PHACTR2: variants seen among roughly 807,000 people sequenced by gnomAD.
PHACTR2 encodes the protein phosphatase and actin regulator 2, also known as chromosome 6 open reading frame 56.
A neutral mutation model predicts 76.0 loss-of-function variants in PHACTR2; 30 were observed. The observed-to-expected ratio is 0.39, with a 90% confidence interval of 0.30 to 0.54. PHACTR2 has a LOEUF of 0.54. Among genes scored for constraint, PHACTR2 ranks in the 20% least tolerant of loss-of-function variants. The probability of loss-of-function intolerance (pLI) is 0.61; values close to 1 mark genes in which losing one functional copy is unlikely to be tolerated. For missense variants in PHACTR2, 696 were observed against 781.1 expected (o/e 0.89, Z 1.30); for synonymous variants, 292 against 292.5 (o/e 1.00, Z 0.02).
chr6:143,661,945 T>C (rs533546667), intron 1 of PHACTR2, among the ~76,000 whole-genome samples: 1 of 152,320 alleles, frequency 6.6e-6, no homozygotes, highest in South Asian at 2.1e-4. Flanking sequence ...AAGACCCTCA[T>C]TGCATTGGAG....
chr6:143,741,780 G>A (rs956508786), intron 2 of PHACTR2, among the ~76,000 whole-genome samples: 3 of 152,062 alleles, frequency 2.0e-5, no homozygotes, highest in African/African-American at 7.2e-5. Context: ...AATCTGTGGT[G>A]ACTACTGGAA....
At position 143,696,715 on chromosome 6, in the gene PHACTR2, G is replaced by T. The variant is rs759990656; in HGVS notation, c.47-15301G>T. On this transcript the variant is annotated intron_variant, in intron 1 of 12. Coordinates refer to ENST00000440869, the MANE Select transcript of PHACTR2 (RefSeq NM_001100164.2). The surrounding 1 kb of genome is among the most constrained non-coding windows in gnomAD (Gnocchi z 4.1). ...GCTATTTCCTATTTTTTAAGCATAC[G>T]CAAAGTCATATCAGGGTGACACATA... is the stretch of plus-strand genomic sequence containing the variant. 6.6e-6 allele frequency among the ~76,000 whole-genome samples: 1 copy of T among 152,104 alleles called. No individual in the cohort carries two copies. The highest frequency in any genetic ancestry group is 1.5e-5 in the Non-Finnish European group (1 of 68,022).
Position 143,819,876 on chromosome 6 carries a change from G to A in PHACTR2, c.1923-3798G>A, listed in dbSNP as rs1387110921. 1.3e-5 allele frequency among the ~76,000 whole-genome samples: 2 copies of A among 152,102 alleles called. No individual in the cohort carries two copies. Among genetic ancestry groups the A allele is most frequent in the African/African-American group, 4.8e-5 (2 of 41,418 alleles). ...GCTATAAAGAAATACCTGAGACTAG[G>A]TAATTTATAAGAAAACAGGTTTAAT... On this transcript the variant is annotated intron_variant, in intron 12 of 12. Coordinates refer to ENST00000440869, the MANE Select transcript of PHACTR2 (RefSeq NM_001100164.2). The surrounding 1 kb of genome is among the most constrained non-coding windows in gnomAD (Gnocchi z 5.0).
chr6:143,712,159 G>A lies in PHACTR2; in HGVS notation c.190G>A (p.Asp64Asn), dbSNP rs868610394. ...GAAATGGAGGAAAAAGAAGACCAGC[G>A]ACAAATTTAGAGAAACCTCGGCAGG... is the stretch of plus-strand genomic sequence containing the variant. The part of the protein sequence containing the change: ...PWKWRKKKTS[D>N]KFRETSAVLE... The change falls in exon 2 of 13, where the codon GAC (aspartate) becomes AAC (asparagine). Residue 64 changes from aspartate (D) to asparagine (N), a missense_variant. Asp to Asn is a conservative substitution (Grantham distance 23). Around this residue, in one of 2 missense-constraint regions of PHACTR2, gnomAD observed 460 missense variants for 450.9 expected, o/e 1.02. Coordinates refer to ENST00000440869, the MANE Select transcript of PHACTR2 (RefSeq NM_001100164.2). 4.5e-6 allele frequency: 7 copies of A among 1,541,720 alleles called. No homozygotes were observed. The highest frequency in any genetic ancestry group is 2.8e-5 in the African/African-American group (2 of 71,570).
chr6:143,690,075 T>C (rs914117150), intron 1 of PHACTR2, among the ~76,000 whole-genome samples: 2 of 152,262 alleles, frequency 1.3e-5, no homozygotes, highest in African/African-American at 4.8e-5. Context: ...CTAAGGCTTG[T>C]GGTAAACCAC....
Position 143,697,054 on chromosome 6 carries a change from A to C in PHACTR2, c.47-14962A>C, listed in dbSNP as rs577843637. Among the ~76,000 whole-genome samples, 1 of 152,314 alleles carries C rather than the reference A, an allele frequency of 6.6e-6. No individual in the cohort carries two copies. Among genetic ancestry groups the C allele is most frequent in the Non-Finnish European group, 1.5e-5 (1 of 68,028 alleles). On this transcript the variant is annotated intron_variant, in intron 1 of 12. Coordinates refer to ENST00000440869, the MANE Select transcript of PHACTR2 (RefSeq NM_001100164.2). This position sits in a 1 kb window ranked among gnomAD's most constrained non-coding sequence, Gnocchi z 4.4. ...GGTAGTTCTACCTTGTAGTTCCGATATATTTAGTTAATTGAAAGCCTAAAA... is the reference window on the plus strand; with the variant it reads ...GGTAGTTCTACCTTGTAGTTCCGATCTATTTAGTTAATTGAAAGCCTAAAA...
chr6:143,736,962 TG>T (rs1778837844), intron 2 of PHACTR2, among the ~76,000 whole-genome samples: 1 of 151,836 alleles, frequency 6.6e-6, no homozygotes, highest in Non-Finnish European at 1.5e-5. Context: ...TCAGAGAAGT[TG>T]GGGAGTTTGC....
chr6:143,585,238 A>C lies in PHACTR2; in HGVS notation c.217+48031A>C, dbSNP rs1006912308. Among the ~76,000 whole-genome samples, 5 of 151,998 alleles carry C rather than the reference A, an allele frequency of 3.3e-5. No individual in the cohort carries two copies. The highest frequency in any genetic ancestry group is 5.9e-5 in the Non-Finnish European group (4 of 67,998). ...CCATGAGGCAGCAAGAATATGGAGG[A>C]AGGGAATTTGAGGTAGAGAAGGTGT... is the stretch of plus-strand genomic sequence containing the variant. On this transcript the variant is annotated intron_variant, in intron 1 of 11. Transcript: ENST00000367584. This position sits in a 1 kb window ranked among gnomAD's most constrained non-coding sequence, Gnocchi z 5.2.
rs966544093 is a variant in PHACTR2, at chr6:143,625,770, T to C, written c.13+17448T>C. 4.6e-5 allele frequency among the ~76,000 whole-genome samples: 7 copies of C among 152,102 alleles called. No homozygotes were observed. Among genetic ancestry groups the C allele is most frequent in the African/African-American group, 1.7e-4 (7 of 41,444 alleles). ...GTGAATGGGGCAGTGATGAGACACATGGAGTCCCTGCTCCCATGGAGCTTA... is the reference window on the plus strand; with the variant it reads ...GTGAATGGGGCAGTGATGAGACACACGGAGTCCCTGCTCCCATGGAGCTTA... On this transcript the variant is annotated intron_variant, in intron 1 of 11. Coordinates refer to the PHACTR2 transcript ENST00000305766. This position sits in a 1 kb window ranked among gnomAD's most constrained non-coding sequence, Gnocchi z 4.3.
rs1208949550 is a variant in PHACTR2, at chr6:143,652,399, T to C, written c.13+44077T>C. Among the ~76,000 whole-genome samples the C allele has an allele frequency of 2.1e-5, 3 of 139,594 alleles. No homozygotes were observed. Among genetic ancestry groups the C allele is most frequent in the Non-Finnish European group, 5.0e-5 (3 of 60,044 alleles). 91.6% of individuals were successfully genotyped at this position (139,594 alleles called of 152,430 possible). ...AAAGGTACCTGCGCTGCTGTTTGTT[T>C]GTTTGTTTGTTTGTTTGTTTTTCCC... On this transcript the variant is annotated intron_variant, in intron 1 of 11. Transcript: ENST00000305766. The surrounding 1 kb of genome is among the most constrained non-coding windows in gnomAD (Gnocchi z 4.5).
chr6:143,577,221 A>G (rs1775525994), intron 1 of PHACTR2, among the ~76,000 whole-genome samples: 1 of 152,254 alleles, frequency 6.6e-6, no homozygotes, highest in Admixed American at 6.5e-5. Context: ...GTATTTTAGC[A>G]TGCTCTGTGT....
intron 7 of PHACTR2, among the ~76,000 whole-genome samples, chr6:143,773,817 T>C (rs531877499): frequency 6.6e-6 from 1 of 152,368 alleles, no homozygotes; most frequent in African/African-American, 2.4e-5. Flanking sequence ...GTGATACTTC[T>C]AAGTTTTTTC....
At chr6:143,606,246 G>A (rs1348917308), upstream of PHACTR2, among the ~76,000 whole-genome samples, 1 of 118,310 alleles carries the variant, frequency 8.5e-6, no homozygotes, top group Non-Finnish European at 1.8e-5. Flanking sequence ...ATGCATTTTG[G>A]AGCGAAACTT....
In PHACTR2 at chr6:143,822,643, G is replaced by A. The variant is rs1776447535; in HGVS notation, c.1923-1031G>A. 6.6e-6 allele frequency among the ~76,000 whole-genome samples: 1 copy of A among 152,240 alleles called. No individual in the cohort carries two copies. Among genetic ancestry groups the A allele is most frequent in the South Asian group, 2.1e-4 (1 of 4,834 alleles). On this transcript the variant is annotated intron_variant, in intron 12 of 12. Transcript: ENST00000440869. This position sits in a 1 kb window ranked among gnomAD's most constrained non-coding sequence, Gnocchi z 5.5. ...AGGGAAACCAATTAGGAGACTGGCTGACCAGAGCAGATGAGCATTCGACTG... is the reference window on the plus strand; with the variant it reads ...AGGGAAACCAATTAGGAGACTGGCTAACCAGAGCAGATGAGCATTCGACTG...
rs765549758 is a variant in PHACTR2, at chr6:143,689,593, C to T, written c.46+11384C>T. Among the ~76,000 whole-genome samples, 4 of 152,230 alleles carry T rather than the reference C, an allele frequency of 2.6e-5. No individual in the cohort carries two copies. Among genetic ancestry groups the T allele is most frequent in the East Asian group, 1.9e-4 (1 of 5,186 alleles). ...GAGCTCACAGTATGGAAACCGAACA[C>T]GTAGTTCTCTTTTTTACCCTACCCC... On this transcript the variant is annotated intron_variant, in intron 1 of 12. Coordinates refer to ENST00000440869, the MANE Select transcript of PHACTR2 (RefSeq NM_001100164.2). This position sits in a 1 kb window ranked among gnomAD's most constrained non-coding sequence, Gnocchi z 4.4.
At chr6:143,634,524 G>A (rs1776418125) in intron 1 of PHACTR2, among the ~76,000 whole-genome samples, 1 of 152,190 alleles carries the variant, frequency 6.6e-6, no homozygotes, top group Non-Finnish European at 1.5e-5. Context: ...GGTGCCAGCT[G>A]TGCCTTGTGC....
At position 143,730,754 on chromosome 6, in the gene PHACTR2, G is replaced by A. The variant is rs1409622136; in HGVS notation, c.215-18231G>A. Among the ~76,000 whole-genome samples the A allele has an allele frequency of 1.1e-4, 17 of 152,074 alleles. No individual in the cohort carries two copies. The highest frequency in any genetic ancestry group is 1.1e-3 in the Admixed American group (17 of 15,246). The stretch of plus-strand genomic sequence containing the variant: ...TGTTGGTGTAAGATTTTTTGTGTGT[G>A]TTTGTTTGTTTGAGACGGAGTCTTG... On this transcript the variant is annotated intron_variant, in intron 2 of 12. Transcript: ENST00000440869. The surrounding 1 kb of genome is among the most constrained non-coding windows in gnomAD (Gnocchi z 4.8).
rs71024861 is a variant in PHACTR2, at chr6:143,627,606, C to CTTTTT, written c.13+19293_13+19297dup. Among the ~76,000 whole-genome samples the CTTTTT allele has an allele frequency of 1.4e-5, 2 of 144,836 alleles. No homozygotes were observed. Among genetic ancestry groups the CTTTTT allele is most frequent in the Non-Finnish European group, 3.0e-5 (2 of 66,314 alleles). ...CACAATGTTGTACAACCACCACTTC[C>CTTTTT]TTTTTTTTTTTTTGAGAAGAAGTCT... On this transcript the variant is annotated intron_variant, in intron 1 of 11. Coordinates refer to the PHACTR2 transcript ENST00000305766. The surrounding 1 kb of genome is among the most constrained non-coding windows in gnomAD (Gnocchi z 4.3).
chr6:143,731,326 T>G lies in PHACTR2; in HGVS notation c.215-17659T>G, dbSNP rs1778696899. ...TTTTGAGACGGAGTTTCGCTCTTGT[T>G]GCCCAGGCTGGAGTGCAATGGCACG... On this transcript the variant is annotated intron_variant, in intron 2 of 12. Transcript: ENST00000440869. The surrounding 1 kb of genome is among the most constrained non-coding windows in gnomAD (Gnocchi z 4.9). Among the ~76,000 whole-genome samples, 2 of 151,510 alleles carry G rather than the reference T, an allele frequency of 1.3e-5. No homozygotes were observed. The highest frequency in any genetic ancestry group is 3.9e-4 in the East Asian group (2 of 5,094).
Sources: allele counts gnomAD v4.1 joint callset (sites outside exome capture counted in the v4.1 genomes callset), GRCh38; gene constraint gnomAD v4.1.1; regional missense constraint gnomAD v4.1.1; non-coding constraint Gnocchi (gnomAD v3.1); transcripts MANE v1.5; gene names NCBI Gene and HGNC (gene_info 2026-07-23, HGNC 2026-07-21).